Variants in DESI1 observed in about 807,000 individuals in gnomAD.
DESI1 encodes desumoylating isopeptidase 1.
A neutral mutation model predicts 22.4 loss-of-function variants in DESI1; 17 were observed. The ratio of observed to expected loss-of-function variants is 0.76; its 90% confidence interval spans 0.52 to 1.14. The LOEUF is 1.14. Among genes scored for constraint, DESI1 ranks in the 50% most tolerant of loss-of-function variants. The pLI, the probability that DESI1 is intolerant of heterozygous loss-of-function variation, is 0.00. For synonymous variants in DESI1, 92 were observed against 84.2 expected (o/e 1.09, Z -0.51); for missense variants, 177 against 208.9 (o/e 0.85, Z 0.94).
intron 1 of DESI1, among the ~76,000 whole-genome samples, chr22:41,609,451 C>A (rs1025023455): frequency 2.0e-5 from 3 of 152,268 alleles, no homozygotes; most frequent in Middle Eastern, 3.4e-3. Context: ...TTATTAGGTA[C>A]AATGACCTCC....
At position 41,600,996 on chromosome 22, in the gene DESI1, TG is replaced by T; in HGVS notation, c.*100del. 2.7e-6 allele frequency: 3 copies of T among 1,113,502 alleles called. No individual in the cohort carries two copies. The highest frequency in any genetic ancestry group is 4.0e-6 in the Non-Finnish European group (3 of 757,574). 69.0% of individuals were successfully genotyped at this position (1,113,502 alleles called of 1,614,324 possible). On this transcript the variant is annotated 3_prime_UTR_variant, in exon 6 of 6. Coordinates refer to ENST00000263256, the MANE Select transcript of DESI1 (RefSeq NM_015704.3). ...GAAATTTAAAAAGCCGTCCCCTGGT[TG>T]TTAGCTCTGATGTAAAATTATAAAA...
At chr22:41,602,944 G>A (rs1181239842) in intron 5 of DESI1, 2 of 580,772 alleles carry the variant, frequency 3.4e-6, no homozygotes, top group Non-Finnish European at 5.0e-6. Context: ...TGCTTCTGGG[G>A]AGTGGCATGC....
intron 4 of DESI1, 126 bp downstream of exon 4, chr22:41,603,918 C>T (rs926196782): frequency 6.6e-6 from 5 of 756,540 alleles, no homozygotes; most frequent in African/African-American, 5.4e-5. Context: ...CATGTTAATT[C>T]AGCAAAAAAC....
At chr22:41,606,861 T>C (rs1019241710) in intron 3 of DESI1, among the ~76,000 whole-genome samples, 1 of 150,218 alleles carries the variant, frequency 6.7e-6, no homozygotes, top group Non-Finnish European at 1.5e-5. Flanking sequence ...AGGACTGGTG[T>C]CCCTTATTGG....
intron 1 of DESI1, among the ~76,000 whole-genome samples, chr22:41,612,597 ATTT>A (rs1207479053): frequency 7.2e-6 from 1 of 139,162 alleles, no homozygotes. Context: ...TTGAGTGAAG[ATTT>A]TTTTTTTTTT....
At position 41,614,590 on chromosome 22, in the gene DESI1, C is replaced by CTTTTTTTTTTTTTTTTT. The variant is rs10523372; in HGVS notation, c.88+6161_88+6162insAAAAAAAAAAAAAAAAA. Reference sequence around the variant, plus strand: ...TGAGCTACTGTGCCCGGCCTACATCCTTTTTTTTTTTTGAGATGGAGTCTC... The same window carrying CTTTTTTTTTTTTTTTTT: ...TGAGCTACTGTGCCCGGCCTACATCCTTTTTTTTTTTTTTTTTTTTTTTTTTTTTGAGATGGAGTCTC... On this transcript the variant is annotated intron_variant, in intron 1 of 5. Coordinates refer to ENST00000263256, the MANE Select transcript of DESI1 (RefSeq NM_015704.3). Among the ~76,000 whole-genome samples, 17 of 85,720 alleles carry CTTTTTTTTTTTTTTTTT rather than the reference C, an allele frequency of 2.0e-4. 2 individuals carry two copies. Among genetic ancestry groups the CTTTTTTTTTTTTTTTTT allele is most frequent in the Non-Finnish European group, 2.4e-4 (11 of 46,164 alleles). The allele number at this position is 85,720 out of a possible 152,430, so 56.2% of individuals were successfully genotyped here. A position where few individuals can be genotyped will look rare whatever the true frequency, so the allele number is the denominator to read the frequency against.
chr22:41,615,960 A>G (rs6002421), intron 1 of DESI1, among the ~76,000 whole-genome samples: 21,222 of 152,206 alleles, frequency 0.14, 4,056 homozygotes, highest in African/African-American at 0.44. Flanking sequence ...GGGCATGGTG[A>G]CTCATGCCTT....
Position 41,620,552 on chromosome 22 carries a change from G to C in DESI1, c.88+200C>G, listed in dbSNP as rs17002527. On this transcript the variant is annotated intron_variant, in intron 1 of 5. Transcript: ENST00000263256. ...CCATCCCTTCCCCTTGAATTCAAAC[G>C]TGAGGATGGTATCTGCGAGGCTAAA... 3.4e-4 allele frequency among the ~76,000 whole-genome samples: 52 copies of C among 152,272 alleles called. No homozygotes were observed. In the East Asian group the frequency reaches 9.7e-3, roughly 28 times the overall value.
chr22:41,616,020 A>T (rs1301693146), intron 1 of DESI1, among the ~76,000 whole-genome samples: 1 of 152,204 alleles, frequency 6.6e-6, no homozygotes, highest in Non-Finnish European at 1.5e-5. Context: ...AGGTGGGTGG[A>T]TCGCCTGAGA....
At chr22:41,607,124 G>A in intron 3 of DESI1, 138 bp downstream of exon 3, 3 of 716,544 alleles carry the variant, frequency 4.2e-6, no homozygotes, top group Non-Finnish European at 6.4e-6. Context: ...GGGTGTCTGG[G>A]AAAGGTTTTA....
intron 5 of DESI1, chr22:41,602,653 T>G: frequency 2.0e-6 from 2 of 986,858 alleles, no homozygotes; most frequent in South Asian, 9.4e-5. Flanking sequence ...TGAGATGGCT[T>G]TGGGGGTGTT....
intron 1 of DESI1, among the ~76,000 whole-genome samples, chr22:41,617,248 G>C (rs1304331286): frequency 6.6e-6 from 1 of 152,122 alleles, no homozygotes; most frequent in Non-Finnish European, 1.5e-5. Context: ...AGTAGCTCTG[G>C]GACCTGGGGC....
At chr22:41,603,412 T>C in intron 4 of DESI1, 31 bp from the exon 5 acceptor site, 2 of 1,613,920 alleles carry the variant, frequency 1.2e-6, no homozygotes, top group Non-Finnish European at 1.7e-6. Flanking sequence ...AGAACATATA[T>C]GAGAAACCAG....
chr22:41,619,050 C>A (rs928387089), intron 1 of DESI1, among the ~76,000 whole-genome samples: 2 of 150,448 alleles, frequency 1.3e-5, no homozygotes, highest in Admixed American at 6.7e-5. Flanking sequence ...GGTGACAGAG[C>A]GAGACTCCGT....
chr22:41,604,665 A>G (rs935076450), intron 3 of DESI1, among the ~76,000 whole-genome samples: 5 of 152,092 alleles, frequency 3.3e-5, no homozygotes, highest in African/African-American at 1.2e-4. Context: ...TCCCTGAGGC[A>G]CACTGGAAGA....
At chr22:41,603,172 A>T in intron 5 of DESI1, 87 bp downstream of exon 5, 1 of 1,595,032 alleles carries the variant, frequency 6.3e-7, no homozygotes, top group Non-Finnish European at 8.6e-7. Flanking sequence ...TTGGGAGGGC[A>T]GATGGGGGCC....
chr22:41,611,378 C>T (rs962557177), intron 1 of DESI1, among the ~76,000 whole-genome samples: 5 of 151,580 alleles, frequency 3.3e-5, no homozygotes, highest in African/African-American at 1.2e-4. Flanking sequence ...GGAGATCTGC[C>T]CTCCTCAGCC....
chr22:41,615,212 G>A (rs1472926007), intron 1 of DESI1, among the ~76,000 whole-genome samples: 3 of 147,852 alleles, frequency 2.0e-5, no homozygotes, highest in African/African-American at 5.0e-5. Context: ...GGAGGATCAC[G>A]AGGTCAGGAG....
rs1400745591 is a variant in DESI1, at chr22:41,611,598, T to A, written c.89-3737A>T. On this transcript the variant is annotated intron_variant, in intron 1 of 5. Coordinates refer to ENST00000263256, the MANE Select transcript of DESI1 (RefSeq NM_015704.3). ...TTCTCTTACCTGTTCCTTCTTTTTT[T>A]TTTTTTTTTTTTTTGAGACAGTCTC... 2.0e-5 allele frequency among the ~76,000 whole-genome samples: 3 copies of A among 148,876 alleles called. No homozygotes were observed. In the East Asian group the frequency reaches 5.9e-4, roughly 29 times the overall value.
Sources: allele counts gnomAD v4.1 joint callset (sites outside exome capture counted in the v4.1 genomes callset), GRCh38; gene constraint gnomAD v4.1.1; transcripts MANE v1.5; gene names NCBI Gene and HGNC (gene_info 2026-07-23, HGNC 2026-07-21).